The following GALNT17 variants were observed in gnomAD, a reference collection of about 807,000 sequenced individuals.
The protein encoded by GALNT17 is polypeptide N-acetylgalactosaminyltransferase 17.
GALNT17 carries 29 observed loss-of-function variants against 63.7 expected under a neutral mutation model. The observed-to-expected ratio is 0.46, with a 90% CI of 0.34 to 0.62. GALNT17 has a LOEUF of 0.62. Among genes scored for constraint, GALNT17 ranks in the 20% least tolerant of loss-of-function variants. The pLI, the probability that GALNT17 is intolerant of heterozygous loss-of-function variation, is 0.01. For synonymous variants in GALNT17, 305 were observed against 318.3 expected, an observed-to-expected ratio of 0.96 and a Z score of 0.45; for missense variants, 603 against 799.6, an observed-to-expected ratio of 0.75 and a Z score of 2.97.
At chr7:71,608,810 G>A (rs374827549) in intron 6 of GALNT17, among the ~76,000 whole-genome samples, 18 of 152,018 alleles carry the variant, frequency 1.2e-4, no homozygotes, top group Admixed American at 6.6e-4. Flanking sequence ...ATGGGGTCTT[G>A]CTCTGTCACC....
chr7:71,684,976 T>C lies in GALNT17; in HGVS notation c.1500+7670T>C, dbSNP rs368867985. ...CACCTTGCCTGGCACCACCTGCTTT[T>C]TTTTTATTATTATTATTAATGAGAA... On this transcript the variant is annotated intron_variant, in intron 9 of 10. Coordinates refer to ENST00000333538, the MANE Select transcript of GALNT17 (RefSeq NM_022479.3). Among the ~76,000 whole-genome samples the C allele has an allele frequency of 5.2e-3, 796 of 152,138 alleles. 12 individuals are homozygous for C. The highest frequency in any genetic ancestry group is 0.018 in the African/African-American group (757 of 41,520).
chr7:71,247,127 A>C (rs1790113653), intron 1 of GALNT17, among the ~76,000 whole-genome samples: 1 of 152,094 alleles, frequency 6.6e-6, no homozygotes, highest in African/African-American at 2.4e-5. Flanking sequence ...TTATTTCTCT[A>C]GTTCCTTGAA....
chr7:71,506,306 G>A (rs1382396360), intron 5 of GALNT17, among the ~76,000 whole-genome samples: 2 of 151,860 alleles, frequency 1.3e-5, no homozygotes, highest in African/African-American at 2.4e-5. Context: ...TTGCTCTGTC[G>A]CCCAGGCTGG....
At chr7:71,569,492 A>C (rs1196246731) in intron 5 of GALNT17, among the ~76,000 whole-genome samples, 1 of 152,016 alleles carries the variant, frequency 6.6e-6, no homozygotes, top group Non-Finnish European at 1.5e-5. Context: ...GTGTGTACCC[A>C]ATGTTTAACT....
intron 1 of GALNT17, among the ~76,000 whole-genome samples, chr7:71,169,703 A>G (rs1367648477): frequency 2.6e-5 from 4 of 151,988 alleles, no homozygotes; most frequent in South Asian, 2.1e-4. Context: ...CTACAGGTGC[A>G]TGCCATCACG....
At chr7:71,439,693 G>A (rs1372252662) in intron 5 of GALNT17, among the ~76,000 whole-genome samples, 1 of 152,166 alleles carries the variant, frequency 6.6e-6, no homozygotes, top group African/African-American at 2.4e-5. Flanking sequence ...TTTAAAAATG[G>A]AGGACACTTT....
chr7:71,557,522 A>C (rs111875411), intron 5 of GALNT17, among the ~76,000 whole-genome samples: 5 of 152,166 alleles, frequency 3.3e-5, no homozygotes, highest in Non-Finnish European at 7.3e-5. Context: ...AGCTGGGTGC[A>C]GTGGCTCATG....
At chr7:71,551,713 A>G (rs1160777061) in intron 5 of GALNT17, among the ~76,000 whole-genome samples, 1 of 151,558 alleles carries the variant, frequency 6.6e-6, no homozygotes, top group Non-Finnish European at 1.5e-5. Context: ...AGCTATGATC[A>G]CACCACTGCA....
intron 1 of GALNT17, among the ~76,000 whole-genome samples, chr7:71,213,393 GA>G (rs775028812): frequency 1.3e-5 from 2 of 152,162 alleles, no homozygotes; most frequent in African/African-American, 2.4e-5. Flanking sequence ...TCAGCAGCGT[GA>G]AAACAGACTA....
intron 1 of GALNT17, among the ~76,000 whole-genome samples, chr7:71,157,701 C>T (rs1367217970): frequency 6.6e-6 from 1 of 151,770 alleles, no homozygotes; most frequent in Non-Finnish European, 1.5e-5. Context: ...ATATAATTTA[C>T]TGTCTTTACC....
intron 1 of GALNT17, among the ~76,000 whole-genome samples, chr7:71,317,604 C>A (rs1026100259): frequency 6.6e-6 from 1 of 152,098 alleles, no homozygotes; most frequent in Non-Finnish European, 1.5e-5. Flanking sequence ...TGGACCTCTG[C>A]AGGTGTTTAT....
intron 5 of GALNT17, among the ~76,000 whole-genome samples, chr7:71,454,364 G>T (rs1277505677): frequency 6.6e-6 from 1 of 152,180 alleles, no homozygotes; most frequent in Admixed American, 6.5e-5. Flanking sequence ...GAGGATAACG[G>T]CTTCTGGCTT....
Position 71,387,965 on chromosome 7 carries a change from T to C in GALNT17, c.423-270T>C, listed in dbSNP as rs112492812. On this transcript the variant is annotated intron_variant, in intron 2 of 10. Coordinates refer to ENST00000333538, the MANE Select transcript of GALNT17 (RefSeq NM_022479.3). ...CCACTAAGTGCTCCATATTATATTA[T>C]AGTAGAGGTTCCTGCTATCACAGAG... Among the ~76,000 whole-genome samples the C allele has an allele frequency of 7.3e-3, 1,110 of 152,242 alleles. 14 individuals are homozygous for C. Among genetic ancestry groups the C allele is most frequent in the African/African-American group, 0.025 (1,048 of 41,528 alleles).
chr7:71,324,587 G>A (rs1323575205), intron 1 of GALNT17, among the ~76,000 whole-genome samples: 1 of 152,186 alleles, frequency 6.6e-6, no homozygotes, highest in Non-Finnish European at 1.5e-5. Flanking sequence ...GAACCCAGGA[G>A]GTGGAGATTG....
chr7:71,299,875 C>A (rs1420087913), intron 1 of GALNT17, among the ~76,000 whole-genome samples: 1 of 152,070 alleles, frequency 6.6e-6, no homozygotes, highest in Non-Finnish European at 1.5e-5. Context: ...AAGTGATTCT[C>A]CTGCCTCAGC....
At chr7:71,505,022 G>A (rs1259061036) in intron 5 of GALNT17, among the ~76,000 whole-genome samples, 2 of 152,220 alleles carry the variant, frequency 1.3e-5, no homozygotes, top group Admixed American at 6.5e-5. Context: ...CACCCCACAC[G>A]CTGTTGTGTG....
chr7:71,706,231 G>A (rs910501050), intron 9 of GALNT17, among the ~76,000 whole-genome samples: 19 of 152,138 alleles, frequency 1.2e-4, no homozygotes, highest in Admixed American at 6.5e-4. Context: ...CCCTGGAAAG[G>A]AAATCCCACT....
intron 6 of GALNT17, among the ~76,000 whole-genome samples, chr7:71,612,223 C>T (rs927341893): frequency 6.6e-6 from 1 of 152,126 alleles, no homozygotes; most frequent in East Asian, 1.9e-4. Flanking sequence ...GACATTGACC[C>T]GAATGCTTTG....
chr7:71,145,199 A>G (rs1246700036), intron 1 of GALNT17, among the ~76,000 whole-genome samples: 1 of 152,228 alleles, frequency 6.6e-6, no homozygotes, highest in African/African-American at 2.4e-5. Context: ...GCTGGTGTGC[A>G]GGACCTGAAA....
Sources: gnomAD v4.1 joint callset for allele counts (sites outside exome capture counted in the v4.1 genomes callset) on GRCh38, gnomAD v4.1.1 for gene constraint, MANE v1.5 for transcripts, NCBI Gene and HGNC (gene_info 2026-07-23, HGNC 2026-07-21) for gene names.